ERC1: variants seen among roughly 807,000 people sequenced by gnomAD.
The protein encoded by ERC1 is RAB6 interacting protein 2.
ERC1 carries 56 observed loss-of-function variants against 132.0 expected under a neutral mutation model. The ratio of observed to expected loss-of-function variants is 0.42; its 90% CI spans 0.34 to 0.53. The LOEUF (loss-of-function observed/expected upper bound fraction) is 0.53, where lower values mean the gene tolerates loss of function less well. ERC1 is among the 20% of genes least tolerant of loss of function. The probability of loss-of-function intolerance (pLI) is 0.03; values close to 1 mark genes in which losing one functional copy is unlikely to be tolerated. For synonymous variants in ERC1, 478 were observed against 476.1 expected (o/e 1.00, Z -0.05); for missense variants, 1,202 against 1,349.9 (o/e 0.89, Z 1.72).
chr12:1,078,841 A>T (rs1941747616), intron 2 of ERC1, among the ~76,000 whole-genome samples: 2 of 152,062 alleles, frequency 1.3e-5, no homozygotes, highest in Admixed American at 1.3e-4. Context: ...ACAAAGATAC[A>T]TATAGAAATG....
At chr12:1,296,024 A>AAAC (rs753617213) in intron 15 of ERC1, among the ~76,000 whole-genome samples, 14,893 of 150,418 alleles carry the variant, frequency 0.099, 1,057 homozygotes, top group Non-Finnish European at 0.15. Flanking sequence ...AAAAAAAAAA[A>AAAC]AACAACTAAA....
At chr12:1,256,291 A>G (rs1021798298) in intron 13 of ERC1, among the ~76,000 whole-genome samples, 2 of 131,186 alleles carry the variant, frequency 1.5e-5, no homozygotes, top group Admixed American at 7.4e-5. Flanking sequence ...TTTTTTTTTT[A>G]TAACTTTTTC....
At chr12:1,388,368 A>AT (rs2089614907) in intron 16 of ERC1, among the ~76,000 whole-genome samples, 2 of 146,498 alleles carry the variant, frequency 1.4e-5, no homozygotes, top group Non-Finnish European at 3.0e-5. Flanking sequence ...AAAAAAAAAA[A>AT]TTAGCCTCAT....
intron 16 of ERC1, among the ~76,000 whole-genome samples, chr12:1,394,196 C>A (rs7301106): frequency 1.3e-5 from 2 of 149,394 alleles, no homozygotes; most frequent in Non-Finnish European, 3.0e-5. Flanking sequence ...GTCAGGAGAT[C>A]GAGACCATCC....
chr12:1,304,660 G>C (rs1594884077), intron 15 of ERC1, among the ~76,000 whole-genome samples: 1 of 152,212 alleles, frequency 6.6e-6, no homozygotes, highest in South Asian at 2.1e-4. Context: ...GGTTGATCTG[G>C]AGAGTCTGAT....
intron 11 of ERC1, among the ~76,000 whole-genome samples, chr12:1,189,434 A>G (rs935810474): frequency 3.3e-5 from 5 of 152,180 alleles, no homozygotes; most frequent in Admixed American, 2.0e-4. Context: ...GGAAATGGAA[A>G]TGGAAGTTAG....
intron 5 of ERC1, among the ~76,000 whole-genome samples, chr12:1,111,340 A>G (rs1004078120): frequency 1.3e-5 from 2 of 152,228 alleles, no homozygotes; most frequent in African/African-American, 2.4e-5. Flanking sequence ...TTATGATTGT[A>G]ATTATAAAGT....
chr12:999,282 G>T (rs1467399140), intron 1 of ERC1, among the ~76,000 whole-genome samples: 2 of 152,066 alleles, frequency 1.3e-5, no homozygotes, highest in Non-Finnish European at 2.9e-5. Flanking sequence ...TATGTCTTCA[G>T]TTTTTACCTC....
In ERC1 at chr12:1,028,007, C is replaced by G; in HGVS notation, c.104C>G (p.Thr35Ser). Residue 35 changes from threonine (T) to serine (S), a missense_variant, in exon 2 of 19, where the codon ACC (threonine) becomes AGC (serine). Thr to Ser is a moderately conservative substitution (Grantham distance 58). Coordinates refer to ENST00000360905, the MANE Select transcript of ERC1 (RefSeq NM_178040.4). ...TCCCCTCGCTTGGGTCACCGTCGAA[C>G]CAACAGTACGGGAGGGAGTTCGGGA... Reference protein sequence around the residue: ...PRSPRLGHRRTNSTGGSSGSS... With the variant: ...PRSPRLGHRRSNSTGGSSGSS... 6.2e-7 allele frequency: 1 copy of G among 1,614,174 alleles called. No homozygotes were observed. Among genetic ancestry groups the G allele is most frequent in the Non-Finnish European group, 8.5e-7 (1 of 1,180,044 alleles).
chr12:1,165,005 C>A (rs1952262565), intron 8 of ERC1, among the ~76,000 whole-genome samples: 1 of 152,126 alleles, frequency 6.6e-6, no homozygotes, highest in Non-Finnish European at 1.5e-5. Context: ...CAAGCTACTC[C>A]AAACCAGAAA....
chr12:1,060,788 C>T (rs1357970407), intron 2 of ERC1, among the ~76,000 whole-genome samples: 3 of 148,420 alleles, frequency 2.0e-5, no homozygotes, highest in Non-Finnish European at 4.4e-5. Context: ...TGCAGTGGTG[C>T]GATCTCGGCT....
intron 16 of ERC1, among the ~76,000 whole-genome samples, chr12:1,384,574 T>C (rs2089103586): frequency 6.6e-6 from 1 of 152,198 alleles, no homozygotes; most frequent in South Asian, 2.1e-4. Context: ...ATTTGCATAC[T>C]TAACAGCTCA....
At chr12:1,025,529 A>G (rs1350771610) in intron 1 of ERC1, among the ~76,000 whole-genome samples, 1 of 152,108 alleles carries the variant, frequency 6.6e-6, no homozygotes, top group African/African-American at 2.4e-5. Flanking sequence ...TTTTTATTTA[A>G]GAAGCCTTTT....
rs893668800 is a variant in ERC1 at position 1,173,292 on chromosome 12, A to G, written c.1738-7248A>G. ...GTAGTGATGCTTAAATCATTGTTCC[A>G]TATAAAGTCCTTGCATCAGTACCTG... On this transcript the variant is annotated intron_variant, in intron 8 of 18. Transcript: ENST00000360905. 2.0e-5 allele frequency among the ~76,000 whole-genome samples: 3 copies of G among 152,140 alleles called. No homozygotes were observed. The East Asian group carries it at 5.8e-4, about 29-fold the overall frequency.
At chr12:1,355,375 A>G (rs1470886476) in intron 15 of ERC1, among the ~76,000 whole-genome samples, 1 of 152,170 alleles carries the variant, frequency 6.6e-6, no homozygotes, top group Non-Finnish European at 1.5e-5. Context: ...CTCATGGGCC[A>G]TGGGCTGGCT....
intron 14 of ERC1, among the ~76,000 whole-genome samples, chr12:1,287,850 T>C (rs1316751782): frequency 6.6e-6 from 1 of 152,216 alleles, no homozygotes; most frequent in Non-Finnish European, 1.5e-5. Flanking sequence ...TTTACACATA[T>C]ACACTCTGTT....
intron 12 of ERC1, chr12:1,204,581 T>C: frequency 1.4e-6 from 2 of 1,407,434 alleles, no homozygotes; most frequent in Non-Finnish European, 2.0e-6. Context: ...TCTTGAATTC[T>C]TACAGGGAAC....
intron 16 of ERC1, among the ~76,000 whole-genome samples, chr12:1,390,301 C>T (rs2089834674): frequency 6.6e-6 from 1 of 151,948 alleles, no homozygotes; most frequent in South Asian, 2.1e-4. Context: ...AGTATGGCTC[C>T]ATATATTTCT....
At chr12:1,124,973 G>A (rs146552561) in intron 7 of ERC1, among the ~76,000 whole-genome samples, 139 of 151,872 alleles carry the variant, frequency 9.2e-4, no homozygotes, top group African/African-American at 3.3e-3. Context: ...GATGGCTTTC[G>A]AGGAGAAAAT....
Sources: allele counts gnomAD v4.1 joint callset (sites outside exome capture counted in the v4.1 genomes callset), GRCh38; gene constraint gnomAD v4.1.1; transcripts MANE v1.5; gene names NCBI Gene and HGNC (gene_info 2026-07-23, HGNC 2026-07-21).